The following XPR1 variants were observed in gnomAD, a reference collection of about 807,000 sequenced individuals.
The protein encoded by XPR1 is xenotropic and polytropic retrovirus receptor 1.
Under a neutral mutation model 87.5 loss-of-function variants are expected in XPR1, and 28 were observed. The observed-to-expected ratio is 0.32, with a 90% confidence interval of 0.24 to 0.44. The LOEUF (loss-of-function observed/expected upper bound fraction) is 0.44, where lower values mean the gene tolerates loss of function less well. XPR1 is among the 20% of genes least tolerant of loss of function. The probability of loss-of-function intolerance (pLI) is 1.00; values close to 1 mark genes in which losing one functional copy is unlikely to be tolerated. For missense variants in XPR1, 559 were observed against 862.3 expected (o/e 0.65, Z 4.41); for synonymous variants, 300 against 306.1 (o/e 0.98, Z 0.21).
rs1412250573 is a variant in XPR1, at chr1:180,670,098, CCTTTCA to C, written c.70-12255_70-12250del. Reference sequence around the variant, plus strand: ...ATTTGTACAAAGTATCTATTTCCATCCTTTCACTTTCAATTTGTTTGTGTCTTTAGA... The same window carrying C: ...ATTTGTACAAAGTATCTATTTCCATCCTTTCAATTTGTTTGTGTCTTTAGA... On this transcript the variant is annotated intron_variant, in intron 1 of 14. Transcript: ENST00000367590. Among the ~76,000 whole-genome samples, 8 of 152,052 alleles carry C rather than the reference CCTTTCA, an allele frequency of 5.3e-5. No individual in the cohort carries two copies. The South Asian group carries it at 6.2e-4, about 12-fold the overall frequency.
chr1:180,645,951 A>G (rs1037527675), intron 1 of XPR1, among the ~76,000 whole-genome samples: 1 of 152,222 alleles, frequency 6.6e-6, no homozygotes, highest in East Asian at 1.9e-4. Context: ...TTAATGATTC[A>G]AAAACTTGAA....
At chr1:180,644,784 C>T (rs57387505) in intron 1 of XPR1, among the ~76,000 whole-genome samples, 5,177 of 151,908 alleles carry the variant, frequency 0.034, 131 homozygotes, top group African/African-American at 0.07. Context: ...AAGCGTGTTA[C>T]GTTTATTGTG....
At chr1:180,725,343 C>A (rs993663976) in intron 2 of XPR1, among the ~76,000 whole-genome samples, 3 of 152,040 alleles carry the variant, frequency 2.0e-5, no homozygotes, top group African/African-American at 7.2e-5. Flanking sequence ...ATGAAGGACA[C>A]TGAGAGAGTA....
chr1:180,791,328 G>A (rs1219765500), intron 3 of XPR1, among the ~76,000 whole-genome samples: 1 of 152,192 alleles, frequency 6.6e-6, no homozygotes, highest in Non-Finnish European at 1.5e-5. Flanking sequence ...CTGGAGTGCA[G>A]TGTCATGATC....
intron 7 of XPR1, among the ~76,000 whole-genome samples, chr1:180,821,449 A>G (rs994989038): frequency 3.3e-5 from 5 of 152,184 alleles, no homozygotes; most frequent in Non-Finnish European, 5.9e-5. Context: ...TTTGATTACT[A>G]TAGCTTTGTA....
intron 2 of XPR1, among the ~76,000 whole-genome samples, chr1:180,741,320 C>T (rs150273960): frequency 8.5e-4 from 129 of 151,966 alleles, no homozygotes; most frequent in African/African-American, 2.9e-3. Flanking sequence ...CCTGCCACCA[C>T]GCCGAGCTAA....
At chr1:180,792,046 C>T (rs917799838) in intron 3 of XPR1, among the ~76,000 whole-genome samples, 6 of 152,234 alleles carry the variant, frequency 3.9e-5, no homozygotes, top group Admixed American at 2.6e-4. Context: ...GTAGGTAATA[C>T]GAAGAAATGA....
At chr1:180,667,537 A>G (rs898829858) in intron 1 of XPR1, among the ~76,000 whole-genome samples, 17 of 152,168 alleles carry the variant, frequency 1.1e-4, no homozygotes, top group African/African-American at 3.9e-4. Context: ...ATCAAAGTTC[A>G]TTGGAGATAT....
intron 2 of XPR1, among the ~76,000 whole-genome samples, chr1:180,716,661 C>A (rs1034849614): frequency 4.6e-5 from 7 of 152,200 alleles, no homozygotes; most frequent in Non-Finnish European, 8.8e-5. Context: ...CTAAACTTCA[C>A]ACCTGATTGT....
At chr1:180,675,283 C>A (rs1656326661) in intron 1 of XPR1, among the ~76,000 whole-genome samples, 1 of 152,002 alleles carries the variant, frequency 6.6e-6, no homozygotes, top group Non-Finnish European at 1.5e-5. Flanking sequence ...GTATGGTAAT[C>A]CCCATGTTGC....
At chr1:180,859,481 A>G (rs1041774935) in intron 11 of XPR1, among the ~76,000 whole-genome samples, 6 of 152,318 alleles carry the variant, frequency 3.9e-5, no homozygotes, top group African/African-American at 1.2e-4. Context: ...AGAGAATAAG[A>G]TGTAATTGCT....
In XPR1 at chr1:180,661,194, A is replaced by G. The variant is rs80239420; in HGVS notation, c.70-21166A>G. On this transcript the variant is annotated intron_variant, in intron 1 of 14. Transcript: ENST00000367590. Reference sequence around the variant, plus strand: ...CTGCTCTTTTTTGGTTTCTATTGGCATGGAATAATCTTTTTCCATTCCTTT... The same window carrying G: ...CTGCTCTTTTTTGGTTTCTATTGGCGTGGAATAATCTTTTTCCATTCCTTT... Among the ~76,000 whole-genome samples, 714 of 151,794 alleles carry G rather than the reference A, an allele frequency of 4.7e-3. 4 individuals are homozygous for G. The highest frequency in any genetic ancestry group is 7.0e-3 in the Non-Finnish European group (477 of 67,918).
At chr1:180,734,712 G>T (rs1457337862) in intron 2 of XPR1, among the ~76,000 whole-genome samples, 1 of 152,152 alleles carries the variant, frequency 6.6e-6, no homozygotes, top group African/African-American at 2.4e-5. Context: ...TAGAGAACAA[G>T]ATTTTGAAAC....
rs1006078304 is a variant in XPR1, at chr1:180,825,395, A to C, written c.1134+51A>C. ...TTTTAGAGTGGCATATTGGTTATTG[A>C]CTTCCTCTAAGATAAAACCAAGGCT... On this transcript the variant is annotated intron_variant, in intron 9 of 14. Coordinates refer to ENST00000367590, the MANE Select transcript of XPR1 (RefSeq NM_004736.4). The C allele has an allele frequency of 1.9e-6, 3 of 1,546,560 alleles. No homozygotes were observed. The Admixed American group carries it at 5.7e-5, about 29-fold the overall frequency.
rs945510233 is a variant in XPR1 at position 180,790,119 on chromosome 1, G to T, written c.223+2265G>T. On this transcript the variant is annotated intron_variant, in intron 3 of 14. Transcript: ENST00000367590. The stretch of plus-strand genomic sequence containing the variant: ...ATGTATAATACCATGCAGATATATG[G>T]TATTATATCTGCATCTCTCTCCCAA... Among the ~76,000 whole-genome samples, 3 of 151,888 alleles carry T rather than the reference G, an allele frequency of 2.0e-5. No individual in the cohort carries two copies. The South Asian group carries it at 6.2e-4, about 32-fold the overall frequency.
At chr1:180,652,710 T>G (rs1655337147) in intron 1 of XPR1, among the ~76,000 whole-genome samples, 1 of 152,258 alleles carries the variant, frequency 6.6e-6, no homozygotes, top group African/African-American at 2.4e-5. Flanking sequence ...GCATATGATG[T>G]AATAACATGT....
chr1:180,829,960 G>A (rs570814443), intron 9 of XPR1, among the ~76,000 whole-genome samples: 1 of 151,954 alleles, frequency 6.6e-6, no homozygotes, highest in East Asian at 1.9e-4. Context: ...TGAGGATGGG[G>A]TTGGCAGAGT....
intron 1 of XPR1, among the ~76,000 whole-genome samples, chr1:180,672,096 T>C (rs1656201016): frequency 6.6e-6 from 1 of 152,224 alleles, no homozygotes; most frequent in Non-Finnish European, 1.5e-5. Flanking sequence ...ATAAAAGCCA[T>C]GTCAATAGAT....
chr1:180,735,238 G>A (rs1658690693), intron 2 of XPR1, among the ~76,000 whole-genome samples: 1 of 152,162 alleles, frequency 6.6e-6, no homozygotes, highest in Non-Finnish European at 1.5e-5. Flanking sequence ...ACAGATTTGA[G>A]TATTCCATTA....
Sources: gnomAD v4.1 joint callset for allele counts (sites outside exome capture counted in the v4.1 genomes callset) on GRCh38, gnomAD v4.1.1 for gene constraint, MANE v1.5 for transcripts, NCBI Gene and HGNC (gene_info 2026-07-23, HGNC 2026-07-21) for gene names.